The following INSR variants were observed in gnomAD, a reference collection of about 807,000 sequenced individuals.
INSR encodes the protein insulin receptor.
In INSR, 67 loss-of-function variants were observed where a neutral mutation model predicts 142.6. The observed-to-expected ratio is 0.47, with a 90% CI of 0.39 to 0.58. The LOEUF (loss-of-function observed/expected upper bound fraction) is 0.58, where lower values mean the gene tolerates loss of function less well. Among genes scored for constraint, INSR ranks in the 20% least tolerant of loss-of-function variants. INSR has a pLI of 0.00. For missense variants in INSR, 1,248 were observed against 1,833.2 expected (o/e 0.68, Z 5.83); for synonymous variants, 756 against 743.1 (o/e 1.02, Z -0.28).
At chr19:7,248,505 A>AAG (rs1568216345) in intron 2 of INSR, among the ~76,000 whole-genome samples, 9 of 130,454 alleles carry the variant, frequency 6.9e-5, no homozygotes, top group East Asian at 5.0e-4. Context: ...AAAAAAAAAA[A>AAG]AAAGCATGAC....
At position 7,142,889 on chromosome 19, in the gene INSR, C is replaced by G; in HGVS notation, c.2469G>C (p.Gln823His). Residue 823 changes from glutamine (Q) to histidine (H), a missense_variant, in exon 12 of 22, where the codon CAG (glutamine) becomes CAC (histidine). Coordinates refer to ENST00000302850, the MANE Select transcript of INSR (RefSeq NM_000208.4). ...RHFTGYRIELQACNQDTPEER... is the reference protein window; with the variant it reads ...RHFTGYRIELHACNQDTPEER... ...CCTCAGGGGTGTCCTGGTTGCAAGC[C>G]TGCAGCTCGATGCGATAGCCCGTGA... 1 of 1,614,146 alleles carries G rather than the reference C, an allele frequency of 6.2e-7. No individual in the cohort carries two copies. Among genetic ancestry groups the G allele is most frequent in the Non-Finnish European group, 8.5e-7 (1 of 1,180,030 alleles).
At chr19:7,189,444 C>A (rs182488649) in intron 2 of INSR, among the ~76,000 whole-genome samples, 1 of 152,178 alleles carries the variant, frequency 6.6e-6, no homozygotes, top group East Asian at 1.9e-4. Flanking sequence ...TCAACTTTTT[C>A]TGTAAAGGGC....
chr19:7,196,927 C>G (rs1010949309), intron 2 of INSR, among the ~76,000 whole-genome samples: 1 of 152,164 alleles, frequency 6.6e-6, no homozygotes, highest in African/African-American at 2.4e-5. Context: ...TTATAAACTC[C>G]TTAAAGTAAT....
intron 16 of INSR, among the ~76,000 whole-genome samples, chr19:7,126,048 C>T (rs1444460813): frequency 6.6e-6 from 1 of 152,136 alleles, no homozygotes; most frequent in Non-Finnish European, 1.5e-5. Context: ...TTGGAATGGA[C>T]TGTTGCCCTG....
intron 4 of INSR, 134 bp downstream of exon 4, chr19:7,174,449 G>A: frequency 2.1e-6 from 2 of 933,890 alleles, no homozygotes; most frequent in South Asian, 1.3e-5. Context: ...ATCCATGGGG[G>A]AGCCACTGAA....
chr19:7,222,401 T>C (rs1975649126), intron 2 of INSR, among the ~76,000 whole-genome samples: 1 of 152,186 alleles, frequency 6.6e-6, no homozygotes, highest in Non-Finnish European at 1.5e-5. Context: ...CTTATTTTTT[T>C]GTTTTTTTAA....
chr19:7,221,106 G>A (rs1975596909), intron 2 of INSR, among the ~76,000 whole-genome samples: 2 of 152,192 alleles, frequency 1.3e-5, no homozygotes, highest in South Asian at 4.1e-4. Flanking sequence ...GAGCGCAGTG[G>A]CTCACGCCTG....
intron 7 of INSR, among the ~76,000 whole-genome samples, chr19:7,167,666 A>G (rs761304914): frequency 3.9e-5 from 6 of 152,172 alleles, no homozygotes; most frequent in Non-Finnish European, 8.8e-5. Flanking sequence ...CCTGACTACT[A>G]AGGATGTCTG....
chr19:7,193,357 T>A (rs548515207), intron 2 of INSR, among the ~76,000 whole-genome samples: 19 of 151,802 alleles, frequency 1.3e-4, no homozygotes, highest in African/African-American at 4.6e-4. Context: ...ACGAAAAATA[T>A]AAAAATTAGC....
chr19:7,128,577 T>C (rs2144821954), intron 15 of INSR, among the ~76,000 whole-genome samples: 1 of 152,210 alleles, frequency 6.6e-6, no homozygotes, highest in African/African-American at 2.4e-5. Flanking sequence ...GCTTTACTTG[T>C]TTATCAATTG....
intron 2 of INSR, among the ~76,000 whole-genome samples, chr19:7,189,575 A>G (rs566199335): frequency 2.8e-4 from 43 of 152,378 alleles, no homozygotes; most frequent in African/African-American, 9.1e-4. Context: ...GCTAGGTCCA[A>G]TAAAACTTTA....
chr19:7,205,875 T>G (rs1975093685), intron 2 of INSR, among the ~76,000 whole-genome samples: 1 of 151,882 alleles, frequency 6.6e-6, no homozygotes, highest in Non-Finnish European at 1.5e-5. Flanking sequence ...GGTGACAGAG[T>G]GAGACACTGT....
At chr19:7,181,353 GAC>G (rs1204369701) in intron 3 of INSR, among the ~76,000 whole-genome samples, 1 of 152,178 alleles carries the variant, frequency 6.6e-6, no homozygotes, top group Non-Finnish European at 1.5e-5. Flanking sequence ...TGGAGGTGTA[GAC>G]AAATTTGAGA....
intron 17 of INSR, 114 bp from the exon 18 acceptor site, chr19:7,123,103 C>A (rs1019980819): frequency 2.6e-6 from 2 of 774,944 alleles, no homozygotes; most frequent in East Asian, 2.7e-5. Flanking sequence ...CTGGATGCAG[C>A]GTGCTCAGCC....
chr19:7,268,494 C>G, intron 1 of INSR: 1 of 985,314 alleles, frequency 1.0e-6, no homozygotes, highest in South Asian at 4.7e-5. Context: ...AAGGCGGTCC[C>G]TCCCAGGCCC....
rs1365534623 is a variant in INSR, at chr19:7,114,460, T to C, written c.*2596A>G. 3.3e-5 allele frequency: 5 copies of C among 152,212 alleles called. No homozygotes were observed. Among genetic ancestry groups the C allele is most frequent in the African/African-American group, 4.8e-5 (2 of 41,442 alleles). The allele number at this position is 152,212 out of a possible 1,614,324, so 9.4% of individuals were successfully genotyped here. On this transcript the variant is annotated 3_prime_UTR_variant, in exon 22 of 22. Coordinates refer to ENST00000302850, the MANE Select transcript of INSR (RefSeq NM_000208.4). ...GGAAGATTAAATTCAGAGAAGAATA[T>C]TACCAGCCAGGAAGAAAAGGATCTA...
intron 1 of INSR, among the ~76,000 whole-genome samples, chr19:7,282,897 C>T (rs989910346): frequency 6.6e-6 from 1 of 151,906 alleles, no homozygotes; most frequent in Non-Finnish European, 1.5e-5. Flanking sequence ...GGCATGAACC[C>T]GGAAGGCGAA....
chr19:7,193,844 C>CAAA (rs1974665320), intron 2 of INSR, among the ~76,000 whole-genome samples: 1 of 151,984 alleles, frequency 6.6e-6, no homozygotes, highest in Non-Finnish European at 1.5e-5. Context: ...CGTACACCAC[C>CAAA]ATGCTTGGCT....
At position 7,117,550 on chromosome 19, in the gene INSR, T is replaced by A. The variant is rs185065174; in HGVS notation, c.3795-140A>T. 1,184 of 636,150 alleles carry A rather than the reference T, an allele frequency of 1.9e-3. 6 individuals are homozygous for A. The highest frequency in any genetic ancestry group is 2.6e-3 in the Admixed American group (90 of 35,012). The allele number at this position is 636,150 out of a possible 1,614,324, so 39.4% of individuals were successfully genotyped here. ...GATGCTGGCTGTGTGTGTGGACAATTGTCAAGGCAGAAATAGCATTGCTAG... is the reference window on the plus strand; with the variant it reads ...GATGCTGGCTGTGTGTGTGGACAATAGTCAAGGCAGAAATAGCATTGCTAG... On this transcript the variant is annotated intron_variant, in intron 21 of 21. Coordinates refer to ENST00000302850, the MANE Select transcript of INSR (RefSeq NM_000208.4).
Sources: gnomAD v4.1 joint callset for allele counts (sites outside exome capture counted in the v4.1 genomes callset) on GRCh38, gnomAD v4.1.1 for gene constraint, MANE v1.5 for transcripts, NCBI Gene and HGNC (gene_info 2026-07-23, HGNC 2026-07-21) for gene names.